Variants in PRIM2 observed in about 807,000 individuals in gnomAD.
PRIM2 encodes DNA primase large subunit.
In PRIM2, 39 loss-of-function variants were observed where a neutral mutation model predicts 67.3. The observed-to-expected ratio is 0.58, with a 90% confidence interval of 0.45 to 0.76. The LOEUF (loss-of-function observed/expected upper bound fraction) is 0.76, where lower values mean the gene tolerates loss of function less well. Ranked by LOEUF, PRIM2 falls within the 30% of genes least tolerant of loss-of-function variation. The pLI is 0.00. For synonymous variants in PRIM2, 143 were observed against 198.7 expected, an observed-to-expected ratio of 0.72 and a Z score of 2.36; for missense variants, 398 against 598.7, an observed-to-expected ratio of 0.66 and a Z score of 3.50.
chr6:57,451,429 C>G (rs572549719), intron 7 of PRIM2, among the ~76,000 whole-genome samples: 1 of 152,084 alleles, frequency 6.6e-6, no homozygotes, highest in Admixed American at 6.6e-5. Flanking sequence ...TGTGAGCCAC[C>G]GCATCTAGCC....
intron 8 of PRIM2, among the ~76,000 whole-genome samples, chr6:57,517,498 T>C (rs1475494226): frequency 6.6e-6 from 1 of 152,206 alleles, no homozygotes; most frequent in Non-Finnish European, 1.5e-5. Context: ...ACATGGCTAG[T>C]ACTACTAAAG....
the PRIM2 span, among the ~76,000 whole-genome samples, chr6:57,240,945 C>T: frequency 5.3e-5 from 8 of 151,960 alleles, no homozygotes; most frequent in South Asian, 2.1e-4. Flanking sequence ...AAAAATAAGG[C>T]GGGGCTCAGT....
At chr6:57,478,871 G>A (rs1423108135) in intron 7 of PRIM2, among the ~76,000 whole-genome samples, 1 of 152,212 alleles carries the variant, frequency 6.6e-6, no homozygotes, top group African/African-American at 2.4e-5. Flanking sequence ...ATTCGGCTGG[G>A]CGCGGTGGCT....
At chr6:57,283,218 C>G in the PRIM2 span, among the ~76,000 whole-genome samples, 5 of 152,172 alleles carry the variant, frequency 3.3e-5, no homozygotes, top group Non-Finnish European at 7.3e-5. Context: ...ACAATTCAAC[C>G]ATATCTTTGC....
the PRIM2 span, among the ~76,000 whole-genome samples, chr6:57,300,991 T>C: frequency 6.6e-6 from 1 of 152,226 alleles, no homozygotes; most frequent in Admixed American, 6.5e-5. Context: ...TTATTTATTT[T>C]TGCTTAAAGG....
At chr6:57,506,431 TAA>T (rs1243883118) in intron 7 of PRIM2, among the ~76,000 whole-genome samples, 1 of 152,094 alleles carries the variant, frequency 6.6e-6, no homozygotes, top group African/African-American at 2.4e-5. Context: ...TGAAAAAAAT[TAA>T]AAAGAGAGGA....
At chr6:57,594,074 C>A (rs1203703133) in intron 10 of PRIM2, among the ~76,000 whole-genome samples, 1 of 152,118 alleles carries the variant, frequency 6.6e-6, no homozygotes, top group Non-Finnish European at 1.5e-5. Context: ...ATGTTTGTGA[C>A]TAAAGAAACA....
chr6:57,318,388 C>T (rs907383163), intron 1 of PRIM2, 49 bp from the exon 2 acceptor site: 3 of 1,490,592 alleles, frequency 2.0e-6, no homozygotes, highest in Non-Finnish European at 1.8e-6. Context: ...TTTTTTTCCC[C>T]CAACTTTGTT....
At chr6:57,358,687 A>G (rs2109644) in intron 5 of PRIM2, among the ~76,000 whole-genome samples, 2 of 152,232 alleles carry the variant, frequency 1.3e-5, no homozygotes, top group African/African-American at 4.8e-5. Context: ...TTAAGAATGA[A>G]TATGCCAATA....
rs1224297095 is a variant in PRIM2 at position 57,330,363 on chromosome 6, T to TG, written c.459+4318_459+4319insG. Among the ~76,000 whole-genome samples the TG allele has an allele frequency of 3.1e-4, 31 of 98,880 alleles. 2 individuals are homozygous for TG. The highest frequency in any genetic ancestry group is 6.5e-4 in the African/African-American group (16 of 24,742). 64.9% of individuals were successfully genotyped at this position (98,880 alleles called of 152,430 possible). ...TGCTGAACTTGTTTTTTTTTTTTGT[T>TG]TTTGTTTTTTTGTTTTTTTGTTTTT... On this transcript the variant is annotated intron_variant, in intron 5 of 13. Coordinates refer to ENST00000615550, the MANE Select transcript of PRIM2 (RefSeq NM_000947.5).
upstream of PRIM2, among the ~76,000 whole-genome samples, chr6:57,311,363 C>T (rs1477454013): frequency 2.0e-5 from 3 of 149,546 alleles, no homozygotes; most frequent in Admixed American, 6.6e-5. Flanking sequence ...GACGGGGCGG[C>T]GGGGCAGAGG....
At chr6:57,276,082 T>G in the PRIM2 span, among the ~76,000 whole-genome samples, 1 of 152,152 alleles carries the variant, frequency 6.6e-6, no homozygotes, top group Non-Finnish European at 1.5e-5. Context: ...TAGAATATTA[T>G]ATAACTAATA....
chr6:57,378,114 GCA>G (rs141314040), intron 5 of PRIM2, among the ~76,000 whole-genome samples: 13,771 of 149,950 alleles, frequency 0.092, 1,452 homozygotes, highest in African/African-American at 0.26. Flanking sequence ...AGACTGGAGT[GCA>G]GTAATGTGAT....
At chr6:57,403,449 A>T (rs1770782248) in intron 7 of PRIM2, among the ~76,000 whole-genome samples, 1 of 151,406 alleles carries the variant, frequency 6.6e-6, no homozygotes, top group African/African-American at 2.4e-5. Context: ...TTTTTAGTAG[A>T]GACGGGGTTT....
chr6:57,233,972 C>T, the PRIM2 span, among the ~76,000 whole-genome samples: 12 of 152,094 alleles, frequency 7.9e-5, no homozygotes. Flanking sequence ...CCTCTGTTAA[C>T]AATTTCTTAT....
chr6:57,278,006 CAACAA>C, the PRIM2 span, among the ~76,000 whole-genome samples: 1 of 150,760 alleles, frequency 6.6e-6, no homozygotes, highest in Non-Finnish European at 1.5e-5. Context: ...AAACAAACAA[CAACAA>C]AACAAAACAA....
At chr6:57,547,059 T>G (rs1167851431) in intron 10 of PRIM2, among the ~76,000 whole-genome samples, 2 of 152,160 alleles carry the variant, frequency 1.3e-5, no homozygotes, top group Non-Finnish European at 2.9e-5. Flanking sequence ...GAACGTCTTA[T>G]TCCTTAAATA....
At chr6:57,238,473 T>C in the PRIM2 span, among the ~76,000 whole-genome samples, 1 of 152,180 alleles carries the variant, frequency 6.6e-6, no homozygotes, top group Admixed American at 6.5e-5. Context: ...ACTGGGTATA[T>C]AATGAAATGA....
At chr6:57,369,621 A>C (rs1172699770) in intron 5 of PRIM2, among the ~76,000 whole-genome samples, 2 of 152,166 alleles carry the variant, frequency 1.3e-5, no homozygotes, top group African/African-American at 4.8e-5. Context: ...CTAAAATAGT[A>C]ATGTAAGTCA....
Sources: allele counts gnomAD v4.1 joint callset (sites outside exome capture counted in the v4.1 genomes callset), GRCh38; gene constraint gnomAD v4.1.1; transcripts MANE v1.5; gene names NCBI Gene and HGNC (gene_info 2026-07-23, HGNC 2026-07-21).